BACE2: variants seen among roughly 807,000 people sequenced by gnomAD.
BACE2 encodes the protein beta-secretase 2, also known as 56 kDa aspartic-like protease.
Under a neutral mutation model 46.2 loss-of-function variants are expected in BACE2, and 17 were observed. The ratio of observed to expected loss-of-function variants is 0.37; its 90% CI spans 0.25 to 0.55. The LOEUF (loss-of-function observed/expected upper bound fraction) is 0.55, where lower values mean the gene tolerates loss of function less well. Ranked by LOEUF, BACE2 falls within the 20% of genes least tolerant of loss-of-function variation. BACE2 has a pLI of 0.82. For missense variants in BACE2, 595 were observed against 698.1 expected (o/e 0.85, Z 1.66); for synonymous variants, 277 against 295.9 (o/e 0.94, Z 0.66).
Position 41,246,058 on chromosome 21 carries a change from T to C in BACE2, c.979T>C (p.Ser327Pro). The change falls in exon 6 of 9, where the codon TCT (serine) becomes CCT (proline). Residue 327 changes from serine to proline, a missense_variant. By Grantham distance (74) the Ser-to-Pro change is moderately conservative (BLOSUM62 -1). Around this residue, in one of 3 missense-constraint regions of BACE2, gnomAD observed 343 missense variants for 419.4 expected, o/e 0.82. Coordinates refer to ENST00000330333, the MANE Select transcript of BACE2 (RefSeq NM_012105.5). Reference sequence around the variant, plus strand: ...GGTGGTGGAAGCTGTGGCCCGCGCATCTCTGGTGAGTCCTCGGGACACTCA... The same window carrying C: ...GGTGGTGGAAGCTGTGGCCCGCGCACCTCTGGTGAGTCCTCGGGACACTCA... ...DAVVEAVARA[S>P]LIPEFSDGFW... The C allele has an allele frequency of 6.2e-7, 1 of 1,600,680 alleles. No individual in the cohort carries two copies. Among genetic ancestry groups the C allele is most frequent in the Non-Finnish European group, 8.5e-7 (1 of 1,173,354 alleles).
intron 5 of BACE2, among the ~76,000 whole-genome samples, chr21:41,243,858 C>A (rs1206512642): frequency 1.3e-5 from 2 of 152,190 alleles, no homozygotes; most frequent in Non-Finnish European, 2.9e-5. Context: ...GATTTTTAAT[C>A]AGTGTAGGAC....
chr21:41,177,151 C>G (rs930005656), intron 1 of BACE2: 5 of 152,220 alleles, frequency 3.3e-5, no homozygotes, highest in African/African-American at 1.2e-4. Flanking sequence ...GTTTTGCCCT[C>G]TGGAGTAATC....
chr21:41,183,130 C>T (rs1363187073), intron 1 of BACE2: 3 of 166,192 alleles, frequency 1.8e-5, no homozygotes, highest in Non-Finnish European at 4.4e-5. Flanking sequence ...TAAGCATATC[C>T]CATTTACGTG....
chr21:41,248,750 G>A (rs17000754), intron 6 of BACE2, among the ~76,000 whole-genome samples: 3,705 of 152,348 alleles, frequency 0.024, 158 homozygotes, highest in African/African-American at 0.084. Context: ...TGCAGTGCGC[G>A]TGGTTACGTG....
intron 1 of BACE2, among the ~76,000 whole-genome samples, chr21:41,222,379 C>T (rs969660011): frequency 2.0e-5 from 3 of 152,078 alleles, no homozygotes; most frequent in Non-Finnish European, 4.4e-5. Context: ...GAGAAGGTGG[C>T]GTTGAAGGAA....
intron 8 of BACE2, among the ~76,000 whole-genome samples, chr21:41,268,966 T>G (rs1732761373): frequency 6.6e-6 from 1 of 152,216 alleles, no homozygotes; most frequent in South Asian, 2.1e-4. Flanking sequence ...TCTTTTCTTT[T>G]TTTTTGAGAC....
chr21:41,216,442 G>A (rs550029033), intron 1 of BACE2, among the ~76,000 whole-genome samples: 5 of 152,348 alleles, frequency 3.3e-5, no homozygotes, highest in African/African-American at 7.2e-5. Context: ...GAACTGCCAC[G>A]GAAGATAAGG....
intron 1 of BACE2, chr21:41,179,587 G>A (rs2123495335): frequency 2.2e-6 from 3 of 1,367,356 alleles, no homozygotes; most frequent in Non-Finnish European, 2.9e-6. Flanking sequence ...CATGTGTGGT[G>A]AGGAGGTGTT....
intron 1 of BACE2, among the ~76,000 whole-genome samples, chr21:41,216,389 C>T (rs1986467354): frequency 6.6e-6 from 1 of 152,234 alleles, no homozygotes. Flanking sequence ...CTTTGCCAAG[C>T]TGTGACTCTG....
intron 1 of BACE2, among the ~76,000 whole-genome samples, chr21:41,198,853 A>G (rs116279003): frequency 7.5e-6 from 1 of 132,890 alleles, no homozygotes; most frequent in Non-Finnish European, 1.7e-5. Flanking sequence ...TACGCTTTTT[A>G]TTTATTTATT....
At chr21:41,250,154 T>G in intron 6 of BACE2, among the ~76,000 whole-genome samples, 1 of 151,484 alleles carries the variant, frequency 6.6e-6, no homozygotes, top group Non-Finnish European at 1.5e-5. Flanking sequence ...CAGGAAGGAG[T>G]GGGGCATGGT....
intron 1 of BACE2, among the ~76,000 whole-genome samples, chr21:41,224,341 A>C (rs1296496824): frequency 6.7e-6 from 1 of 149,930 alleles, no homozygotes; most frequent in Admixed American, 6.7e-5. Flanking sequence ...CAGCCTCCCA[A>C]GTAGCTGGGA....
In BACE2 at chr21:41,277,951, G is replaced by A. The variant is rs1380468163; in HGVS notation, c.*2327G>A. On this transcript the variant is annotated 3_prime_UTR_variant, in exon 9 of 9. Coordinates refer to ENST00000330333, the MANE Select transcript of BACE2 (RefSeq NM_012105.5). ...GAATGAGATAGACAATTGAATGTGG[G>A]ACATTTTTCTGGCATGTCTTGCTGC... The A allele has an allele frequency of 6.6e-6, 1 of 152,206 alleles. No homozygotes were observed. The highest frequency in any genetic ancestry group is 1.5e-5 in the Non-Finnish European group (1 of 68,042). The allele number at this position is 152,206 out of a possible 1,614,324, so 9.4% of individuals were successfully genotyped here. A position where few individuals can be genotyped will look rare whatever the true frequency, so the allele number is the denominator to read the frequency against.
At chr21:41,268,900 A>T (rs1391832292) in intron 8 of BACE2, among the ~76,000 whole-genome samples, 1 of 152,180 alleles carries the variant, frequency 6.6e-6, no homozygotes, top group Non-Finnish European at 1.5e-5. Flanking sequence ...ATCAATGTCC[A>T]TGTAGTCAGC....
At chr21:41,174,122 C>T (rs1272231530) in intron 1 of BACE2, among the ~76,000 whole-genome samples, 1 of 114,726 alleles carries the variant, frequency 8.7e-6, no homozygotes, top group Non-Finnish European at 1.7e-5. Flanking sequence ...ATAAGGATAG[C>T]TGTTGTGATC....
chr21:41,233,922 T>C (rs996590170), intron 2 of BACE2, among the ~76,000 whole-genome samples: 4 of 152,254 alleles, frequency 2.6e-5, no homozygotes, highest in Admixed American at 6.5e-5. Context: ...GATGGCAGCA[T>C]TGCACTCCAG....
At chr21:41,256,453 G>T (rs1028588357) in intron 7 of BACE2, among the ~76,000 whole-genome samples, 2 of 152,104 alleles carry the variant, frequency 1.3e-5, no homozygotes, top group Admixed American at 6.5e-5. Context: ...GTATTCCATG[G>T]TATATATGAA....
At chr21:41,241,971 G>T in intron 4 of BACE2, 24 bp downstream of exon 4, 1 of 1,610,018 alleles carries the variant, frequency 6.2e-7, no homozygotes, top group South Asian at 1.1e-5. Flanking sequence ...AGTCTTAAAG[G>T]GGCGAAAAAT....
chr21:41,243,513 A>G lies in BACE2; in HGVS notation c.882+3A>G. ...GCCTTAATCTGGACTGCAGAGAGGT[A>G]TTTATGCTATGGTCTCTGTTGTGTC... On this transcript the variant is annotated splice_donor_region_variant and intron_variant, in intron 5 of 8. Transcript: ENST00000330333. 1.2e-6 allele frequency: 2 copies of G among 1,606,780 alleles called. No individual in the cohort carries two copies. The highest frequency in any genetic ancestry group is 1.7e-6 in the Non-Finnish European group (2 of 1,177,240).
Sources: gnomAD v4.1 joint callset for allele counts (sites outside exome capture counted in the v4.1 genomes callset) on GRCh38, gnomAD v4.1.1 for gene constraint, gnomAD v4.1.1 regional missense constraint, MANE v1.5 for transcripts, NCBI Gene and HGNC (gene_info 2026-07-23, HGNC 2026-07-21) for gene names.